Variants in TMEM108 observed in about 807,000 individuals in gnomAD.
The protein encoded by TMEM108 is transmembrane protein 108.
A neutral mutation model predicts 35.1 loss-of-function variants in TMEM108; 12 were observed. The ratio of observed to expected loss-of-function variants is 0.34; its 90% confidence interval spans 0.22 to 0.55. TMEM108 has a LOEUF of 0.55. Ranked by LOEUF, TMEM108 falls within the 20% of genes least tolerant of loss-of-function variation. The pLI is 0.89. For missense variants in TMEM108, 680 were observed against 753.3 expected, an observed-to-expected ratio of 0.90 and a Z score of 1.14; for synonymous variants, 287 against 308.6, an observed-to-expected ratio of 0.93 and a Z score of 0.73.
intron 2 of TMEM108, among the ~76,000 whole-genome samples, chr3:133,057,435 G>GTATATATATA (rs56983894): frequency 2.6e-4 from 12 of 45,748 alleles, no homozygotes; most frequent in East Asian, 6.9e-4. Flanking sequence ...GTGTGTGTGT[G>GTATATATATA]TATATATATA....
rs1446368969 is a variant in TMEM108, at chr3:133,397,237, A to G, written c.*1251A>G. On this transcript the variant is annotated 3_prime_UTR_variant, in exon 6 of 6. Coordinates refer to ENST00000321871, the MANE Select transcript of TMEM108 (RefSeq NM_023943.4). ...GCTGAGAGAGATGATTACTGCTTTG[A>G]CACTTCCTTTCTCTAAAAGAAAAAT... 6.6e-6 allele frequency: 1 copy of G among 152,146 alleles called. No homozygotes were observed. Among genetic ancestry groups the G allele is most frequent in the Non-Finnish European group, 1.5e-5 (1 of 68,028 alleles). The allele number at this position is 152,146 out of a possible 1,614,324, so 9.4% of individuals were successfully genotyped here. A position where few individuals can be genotyped will look rare whatever the true frequency, so the allele number is the denominator to read the frequency against.
intron 2 of TMEM108, among the ~76,000 whole-genome samples, chr3:133,167,388 G>A (rs529637121): frequency 4.6e-5 from 7 of 152,364 alleles, no homozygotes; most frequent in Non-Finnish European, 8.8e-5. Context: ...CCAGTCCCGC[G>A]CTGTGCGCCC....
chr3:133,231,208 T>C (rs1946148617), intron 3 of TMEM108, among the ~76,000 whole-genome samples: 1 of 152,188 alleles, frequency 6.6e-6, no homozygotes, highest in African/African-American at 2.4e-5. Context: ...ATATAACTCA[T>C]ATATTTTATA....
At chr3:133,371,494 C>A (rs1323579491) in intron 3 of TMEM108, among the ~76,000 whole-genome samples, 1 of 151,880 alleles carries the variant, frequency 6.6e-6, no homozygotes, top group Non-Finnish European at 1.5e-5. Context: ...GACTTCCTCG[C>A]AGCATGGCAG....
At chr3:133,324,221 C>T (rs898987420) in intron 3 of TMEM108, among the ~76,000 whole-genome samples, 1 of 152,088 alleles carries the variant, frequency 6.6e-6, no homozygotes, top group African/African-American at 2.4e-5. Flanking sequence ...AAATAATCAG[C>T]AGAGTAAACA....
At chr3:133,229,437 A>C (rs548116956) in intron 3 of TMEM108, 86 bp downstream of exon 3, 1 of 1,336,068 alleles carries the variant, frequency 7.5e-7, no homozygotes, top group Non-Finnish European at 1.1e-6. Context: ...TTGGACGGAG[A>C]CCAGGGTTGG....
chr3:133,224,497 G>A (rs1946038996), intron 2 of TMEM108, among the ~76,000 whole-genome samples: 1 of 152,152 alleles, frequency 6.6e-6, no homozygotes, highest in Non-Finnish European at 1.5e-5. Context: ...CCCACATGTT[G>A]TGGGAAGGGG....
rs149052715 is a variant in TMEM108, at chr3:133,221,761, T to C, written c.-46-7505T>C. ...CATAAAGCAACTTATAAAAGCCTTT[T>C]TTCAAGCTGATAACAACTTAACTTT... On this transcript the variant is annotated intron_variant, in intron 2 of 5. Transcript: ENST00000321871. Among the ~76,000 whole-genome samples the C allele has an allele frequency of 5.1e-4, 77 of 151,838 alleles. No homozygotes were observed. The East Asian group carries it at 0.015, about 29-fold the overall frequency.
At chr3:133,313,398 C>T (rs544109362) in intron 3 of TMEM108, among the ~76,000 whole-genome samples, 5 of 152,188 alleles carry the variant, frequency 3.3e-5, no homozygotes, top group East Asian at 1.9e-4. Flanking sequence ...GGGTTTTCAC[C>T]GTGGTCCCAA....
chr3:133,389,742 T>A (rs2073206394), intron 4 of TMEM108: 1 of 152,650 alleles, frequency 6.6e-6, no homozygotes. Context: ...GATGTCTGGG[T>A]TTGCTTTTGG....
At chr3:133,110,199 C>T (rs1048095414) in intron 2 of TMEM108, among the ~76,000 whole-genome samples, 1 of 152,104 alleles carries the variant, frequency 6.6e-6, no homozygotes, top group Admixed American at 6.5e-5. Context: ...GAGAGAGCTA[C>T]ATAAACTTAA....
chr3:133,255,141 A>G (rs952913867), intron 3 of TMEM108, among the ~76,000 whole-genome samples: 7 of 152,172 alleles, frequency 4.6e-5, no homozygotes, highest in African/African-American at 1.4e-4. Context: ...AGGAGATTAC[A>G]TGGCCTAGCC....
At chr3:133,233,025 C>A (rs888143945) in intron 3 of TMEM108, among the ~76,000 whole-genome samples, 1 of 124,368 alleles carries the variant, frequency 8.0e-6, no homozygotes, top group Non-Finnish European at 1.8e-5. Flanking sequence ...TTACCACTTT[C>A]GTTTTTTTTT....
At chr3:133,352,566 C>T (rs1326184195) in intron 3 of TMEM108, among the ~76,000 whole-genome samples, 1 of 152,174 alleles carries the variant, frequency 6.6e-6, no homozygotes, top group African/African-American at 2.4e-5. Flanking sequence ...TCAGAGGTTC[C>T]CACAACCCCT....
At chr3:133,181,128 T>C (rs559871426) in intron 2 of TMEM108, among the ~76,000 whole-genome samples, 54 of 150,008 alleles carry the variant, frequency 3.6e-4, no homozygotes, top group Non-Finnish European at 6.6e-4. Flanking sequence ...ACATATTAGA[T>C]AAACTGTAGG....
chr3:133,308,425 C>G (rs1264145570), intron 3 of TMEM108, among the ~76,000 whole-genome samples: 1 of 152,116 alleles, frequency 6.6e-6, no homozygotes, highest in Non-Finnish European at 1.5e-5. Flanking sequence ...GAGAGGGCAT[C>G]CTTGTCTTGT....
chr3:133,259,225 C>A (rs569692236), intron 3 of TMEM108, among the ~76,000 whole-genome samples: 2 of 152,326 alleles, frequency 1.3e-5, no homozygotes, highest in African/African-American at 2.4e-5. Flanking sequence ...CTTCTCTAGC[C>A]TGTGGTGAGA....
chr3:133,351,924 T>C (rs1022707656), intron 3 of TMEM108, among the ~76,000 whole-genome samples: 3 of 152,158 alleles, frequency 2.0e-5, no homozygotes, highest in African/African-American at 7.2e-5. Context: ...TTATATCCAC[T>C]TGGGGAGTTT....
intron 2 of TMEM108, among the ~76,000 whole-genome samples, chr3:133,106,604 T>G (rs1944156232): frequency 6.6e-6 from 1 of 152,196 alleles, no homozygotes; most frequent in Non-Finnish European, 1.5e-5. Flanking sequence ...AATAATGATG[T>G]GTGGGTTATG....
Sources: gnomAD v4.1 joint callset for allele counts (sites outside exome capture counted in the v4.1 genomes callset) on GRCh38, gnomAD v4.1.1 for gene constraint, MANE v1.5 for transcripts, NCBI Gene and HGNC (gene_info 2026-07-23, HGNC 2026-07-21) for gene names.